Variants in PDE1C observed in about 807,000 individuals in gnomAD.
The protein encoded by PDE1C is dual specificity calcium/calmodulin-dependent 3',5'-cyclic nucleotide phosphodiesterase 1C.
In PDE1C, 62 loss-of-function variants were observed where a neutral mutation model predicts 93.1. That is an observed-to-expected ratio of 0.67 (90% CI 0.54 to 0.82). The LOEUF (loss-of-function observed/expected upper bound fraction) is 0.82. PDE1C is among the 40% of genes least tolerant of loss of function. PDE1C has a pLI of 0.00. For synonymous variants in PDE1C, 325 were observed against 310.1 expected (o/e 1.05, Z -0.50); for missense variants, 742 against 884.6 (o/e 0.84, Z 2.04).
Position 32,030,155 on chromosome 7 carries a change from G to A in PDE1C, c.128+21399C>T, listed in dbSNP as rs375023929. 9.3e-5 allele frequency among the ~76,000 whole-genome samples: 14 copies of A among 150,352 alleles called. 3 individuals are homozygous for A. Among genetic ancestry groups the A allele is most frequent in the Admixed American group, 6.6e-5 (1 of 15,054 alleles). ...GACAATAGCTATAATCTCTCAGGAG[G>A]AACCTGGGATAAGTTGGTTGTGGGG... On this transcript the variant is annotated intron_variant, in intron 2 of 17. Transcript: ENST00000396191.
chr7:31,813,348 G>T (rs1288229885), intron 15 of PDE1C, among the ~76,000 whole-genome samples: 1 of 152,112 alleles, frequency 6.6e-6, no homozygotes, highest in Admixed American at 6.5e-5. Context: ...GAAGCAGCCT[G>T]CCAGGGTGCT....
chr7:32,079,544 G>T (rs562341024), intron 3 of PDE1C, among the ~76,000 whole-genome samples: 1 of 152,104 alleles, frequency 6.6e-6, no homozygotes, highest in South Asian at 2.1e-4. Flanking sequence ...TCTTGTTTGG[G>T]GTCTGCCATG....
chr7:31,912,555 T>C (rs947351823), intron 2 of PDE1C, among the ~76,000 whole-genome samples: 1 of 152,064 alleles, frequency 6.6e-6, no homozygotes, highest in Non-Finnish European at 1.5e-5. Context: ...GGTGTGGTGG[T>C]GCACAGCTGT....
At chr7:31,850,800 G>T in intron 7 of PDE1C, 59 bp from the exon 8 acceptor site, 1 of 1,236,628 alleles carries the variant, frequency 8.1e-7, no homozygotes, top group Non-Finnish European at 1.2e-6. Flanking sequence ...TCTTCAGCTT[G>T]CTGACAACAC....
intron 2 of PDE1C, among the ~76,000 whole-genome samples, chr7:32,046,958 G>C (rs188830215): frequency 3.6e-4 from 54 of 151,932 alleles, no homozygotes; most frequent in Non-Finnish European, 6.9e-4. Context: ...TGTGTCTGTA[G>C]AACTCCCTCA....
the PDE1C span, among the ~76,000 whole-genome samples, chr7:31,655,040 G>A: frequency 6.6e-6 from 1 of 152,026 alleles, no homozygotes; most frequent in Non-Finnish European, 1.5e-5. Flanking sequence ...TCTGTCCTCA[G>A]TATACACACA....
chr7:31,619,356 G>A, the PDE1C span, among the ~76,000 whole-genome samples: 1 of 152,162 alleles, frequency 6.6e-6, no homozygotes, highest in East Asian at 1.9e-4. Context: ...GACAAATCCA[G>A]ACTCCAAACT....
intron 7 of PDE1C, among the ~76,000 whole-genome samples, chr7:31,856,682 C>CTTTTTTTTTTTTTTTTTTTTT (rs35316004): frequency 8.3e-6 from 1 of 121,048 alleles, no homozygotes. Flanking sequence ...ATATAAGAGG[C>CTTTTTTTTTTTTTTTTTTTTT]TTTTTTTTTT....
chr7:31,859,119 C>CTATA (rs71559205), intron 7 of PDE1C, among the ~76,000 whole-genome samples: 4 of 147,818 alleles, frequency 2.7e-5, no homozygotes, highest in Non-Finnish European at 4.5e-5. Context: ...GATGTATTGA[C>CTATA]TATATATATA....
At chr7:31,870,933 T>G (rs1049611026) in intron 6 of PDE1C, among the ~76,000 whole-genome samples, 6 of 151,516 alleles carry the variant, frequency 4.0e-5, no homozygotes, top group African/African-American at 1.5e-4. Context: ...TTTATGGTAT[T>G]AGTATAAAAT....
chr7:32,248,632 G>A (rs1242413348), intron 1 of PDE1C, among the ~76,000 whole-genome samples: 1 of 152,170 alleles, frequency 6.6e-6, no homozygotes. Flanking sequence ...AGAAGGATGG[G>A]TATGATTTAT....
chr7:32,003,806 G>T (rs1214183117), intron 2 of PDE1C, among the ~76,000 whole-genome samples: 2 of 152,204 alleles, frequency 1.3e-5, no homozygotes, highest in Non-Finnish European at 2.9e-5. Context: ...AGATGCTGTG[G>T]CTACTGAAGG....
intron 2 of PDE1C, among the ~76,000 whole-genome samples, chr7:32,197,351 A>G (rs1480897506): frequency 6.6e-6 from 1 of 152,198 alleles, no homozygotes; most frequent in Admixed American, 6.5e-5. Context: ...GTGAACAGAA[A>G]TATAAAAGAG....
At chr7:32,142,124 G>C (rs1800570480) in intron 3 of PDE1C, among the ~76,000 whole-genome samples, 1 of 151,530 alleles carries the variant, frequency 6.6e-6, no homozygotes, top group Admixed American at 6.6e-5. Context: ...TAAATAAAGA[G>C]GAAAAGGAGA....
chr7:31,762,675 A>T (rs1378363672), intron 17 of PDE1C, among the ~76,000 whole-genome samples: 1 of 152,154 alleles, frequency 6.6e-6, no homozygotes, highest in Non-Finnish European at 1.5e-5. Context: ...AGATTCTCCA[A>T]GGACTTTACC....
intron 3 of PDE1C, among the ~76,000 whole-genome samples, chr7:32,112,874 C>A (rs1165293092): frequency 1.3e-4 from 17 of 132,846 alleles, no homozygotes; most frequent in Admixed American, 2.3e-4. Flanking sequence ...ATATATATAT[C>A]TCAAACTCCT....
the PDE1C span, chr7:31,696,204 G>C: frequency 6.6e-6 from 1 of 152,186 alleles, no homozygotes; most frequent in Non-Finnish European, 1.5e-5. Flanking sequence ...TCAAAGTTTT[G>C]CCTTGTTTTG....
At chr7:31,750,189 C>T (rs1454832925), downstream of PDE1C, among the ~76,000 whole-genome samples, 1 of 151,986 alleles carries the variant, frequency 6.6e-6, no homozygotes, top group Middle Eastern at 3.2e-3. Context: ...TAAATAGGAA[C>T]AGAGTGAAGG....
intron 3 of PDE1C, among the ~76,000 whole-genome samples, chr7:32,104,963 T>C (rs1798224667): frequency 6.6e-6 from 1 of 152,016 alleles, no homozygotes; most frequent in African/African-American, 2.4e-5. Context: ...CAGGAAAAAA[T>C]AGATATATAT....
Sources: allele counts gnomAD v4.1 joint callset (sites outside exome capture counted in the v4.1 genomes callset), GRCh38; gene constraint gnomAD v4.1.1; transcripts MANE v1.5; gene names NCBI Gene and HGNC (gene_info 2026-07-23, HGNC 2026-07-21).